Variants in DCDC1 observed in about 807,000 individuals in gnomAD.
The protein encoded by DCDC1 is doublecortin domain containing 1.
DCDC1 carries 200 observed loss-of-function variants against 178.3 expected under a neutral mutation model. The observed-to-expected ratio is 1.12, with a 90% CI of 1.00 to 1.26. The LOEUF is 1.26. Ranked by LOEUF, DCDC1 falls within the 50% of genes most tolerant of loss-of-function variation. The pLI is 0.00. For synonymous variants in DCDC1, 690 were observed against 604.8 expected, an observed-to-expected ratio of 1.14 and a Z score of -2.07; for missense variants, 1,983 against 1,749.2, an observed-to-expected ratio of 1.13 and a Z score of -2.38.
intron 7 of DCDC1, among the ~76,000 whole-genome samples, chr11:31,280,224 C>T (rs1377810176): frequency 1.3e-5 from 2 of 152,114 alleles, no homozygotes; most frequent in Non-Finnish European, 2.9e-5. Context: ...TATCTTCAAC[C>T]CTTGCCTTTA....
chr11:31,153,595 C>T (rs1965402743), intron 9 of DCDC1, among the ~76,000 whole-genome samples: 1 of 151,936 alleles, frequency 6.6e-6, no homozygotes, highest in African/African-American at 2.4e-5. Flanking sequence ...CCAGCCTGGC[C>T]AACATGGTGA....
intron 20 of DCDC1, among the ~76,000 whole-genome samples, chr11:30,975,473 A>C (rs1049852006): frequency 6.6e-6 from 1 of 152,022 alleles, no homozygotes; most frequent in African/African-American, 2.4e-5. Context: ...TATAAAAAAA[A>C]CACTAAAGAT....
At chr11:31,208,607 A>G (rs971149163) in intron 9 of DCDC1, among the ~76,000 whole-genome samples, 5 of 152,116 alleles carry the variant, frequency 3.3e-5, no homozygotes, top group Non-Finnish European at 5.9e-5. Context: ...ATACTTTCCA[A>G]GAGTAAAAAA....
chr11:30,917,040 C>T lies in DCDC1; in HGVS notation c.3294-12G>A. The T allele has an allele frequency of 6.3e-7, 1 of 1,578,234 alleles. No individual in the cohort carries two copies. On this transcript the variant is annotated splice_polypyrimidine_tract_variant and intron_variant, in intron 25 of 38. Transcript: ENST00000684477. ...TTACGTGTGAATCTCTATCAAGGTT[C>T]AGAAGCAAACATAAGTCTAAGAAAT...
chr11:30,896,723 A>G (rs1206029893), intron 34 of DCDC1, among the ~76,000 whole-genome samples: 3 of 152,208 alleles, frequency 2.0e-5, no homozygotes, highest in African/African-American at 7.2e-5. Flanking sequence ...TTGCCTTTTC[A>G]GGAATCCTTA....
At chr11:31,045,423 T>C (rs1954778455) in intron 20 of DCDC1, among the ~76,000 whole-genome samples, 1 of 151,806 alleles carries the variant, frequency 6.6e-6, no homozygotes, top group Non-Finnish European at 1.5e-5. Flanking sequence ...GCCTTAGACT[T>C]ACTTATTTTG....
At chr11:31,256,812 GC>G (rs1166304174) in intron 8 of DCDC1, among the ~76,000 whole-genome samples, 6 of 152,092 alleles carry the variant, frequency 3.9e-5, no homozygotes, top group African/African-American at 1.4e-4. Context: ...GCTTGATGGG[GC>G]AAAGCTACTA....
chr11:31,351,696 C>T (rs974857894), intron 1 of DCDC1, among the ~76,000 whole-genome samples: 3 of 152,114 alleles, frequency 2.0e-5, no homozygotes, highest in Non-Finnish European at 4.4e-5. Flanking sequence ...TTCTTTTCCT[C>T]CCAAGCATGA....
intron 1 of DCDC1, among the ~76,000 whole-genome samples, chr11:31,363,943 C>G (rs1247959250): frequency 6.6e-6 from 1 of 152,074 alleles, no homozygotes; most frequent in African/African-American, 2.4e-5. Context: ...AGAAGCCATA[C>G]TTTGAATTTT....
chr11:30,975,213 G>A lies in DCDC1; in HGVS notation c.2592-22645C>T, dbSNP rs1473654284. Among the ~76,000 whole-genome samples the A allele has an allele frequency of 3.3e-5, 5 of 152,086 alleles. No individual in the cohort carries two copies. The East Asian group carries it at 9.6e-4, about 29-fold the overall frequency. On this transcript the variant is annotated intron_variant, in intron 20 of 38. Coordinates refer to ENST00000684477, the MANE Select transcript of DCDC1 (RefSeq NM_001387274.1). ...ACTATCAACAAACTAGACACTGAGA[G>A]AACATACCTCAACATAATAAAGGCA...
rs369848469 is a variant in DCDC1, at chr11:31,116,210, A to G, written c.1486-5849T>C. On this transcript the variant is annotated intron_variant, in intron 11 of 38. Transcript: ENST00000684477. The stretch of plus-strand genomic sequence containing the variant: ...GGGAAATCTTTAGAAATCAAGTCCA[A>G]TGACATTTTTAACTATAGATATCAA... Among the ~76,000 whole-genome samples the G allele has an allele frequency of 2.1e-5, 3 of 143,418 alleles. No individual in the cohort carries two copies. The East Asian group carries it at 6.1e-4, about 29-fold the overall frequency. 94.1% of individuals were successfully genotyped at this position (143,418 alleles called of 152,430 possible).
chr11:30,984,000 TG>T (rs1950517203), intron 20 of DCDC1, among the ~76,000 whole-genome samples: 1 of 152,110 alleles, frequency 6.6e-6, no homozygotes, highest in South Asian at 2.1e-4. Context: ...TATACAATAG[TG>T]GAGGAATGCC....
At chr11:31,328,364 A>T in intron 2 of DCDC1, 78 bp from the exon 3 acceptor site, 4 of 1,378,432 alleles carry the variant, frequency 2.9e-6, no homozygotes, top group Non-Finnish European at 3.9e-6. Flanking sequence ...GGCATTAAAC[A>T]CAACTTACTT....
chr11:30,879,540 T>G (rs1942455295), intron 37 of DCDC1, among the ~76,000 whole-genome samples: 1 of 152,164 alleles, frequency 6.6e-6, no homozygotes, highest in Admixed American at 6.6e-5. Flanking sequence ...CCACTAATCC[T>G]TTCACCATGA....
chr11:31,113,567 G>C (rs1020523262), intron 11 of DCDC1, among the ~76,000 whole-genome samples: 3 of 151,328 alleles, frequency 2.0e-5, no homozygotes, highest in Admixed American at 6.6e-5. Context: ...GCAATAGTTT[G>C]CTCAGAATGA....
intron 8 of DCDC1, 28 bp downstream of exon 8, chr11:31,265,479 A>G (rs1945089683): frequency 8.0e-7 from 1 of 1,243,498 alleles, no homozygotes. Flanking sequence ...AATATTATCA[A>G]ATGGTTTACA....
chr11:31,009,147 A>T (rs1952022816), intron 20 of DCDC1, among the ~76,000 whole-genome samples: 1 of 152,216 alleles, frequency 6.6e-6, no homozygotes, highest in South Asian at 2.1e-4. Context: ...TCTTCAAAGA[A>T]AAAGGCTTTA....
chr11:31,077,854 A>C lies in DCDC1; in HGVS notation c.2298+11T>G. On this transcript the variant is annotated intron_variant, in intron 18 of 38. Coordinates refer to ENST00000684477, the MANE Select transcript of DCDC1 (RefSeq NM_001387274.1). ...CTTAGGCATAAAAGCTGTGGATTAT[A>C]AAGTCCTTACCTTTGAATAAATGCA... 1 of 765,798 alleles carries C rather than the reference A, an allele frequency of 1.3e-6. No homozygotes were observed. Among genetic ancestry groups the C allele is most frequent in the Non-Finnish European group, 2.4e-6 (1 of 417,588 alleles). The allele number at this position is 765,798 out of a possible 1,614,324, so 47.4% of individuals were successfully genotyped here.
chr11:30,918,738 G>A lies in DCDC1; in HGVS notation c.3294-1710C>T, dbSNP rs1946037287. ...CAGTGGTGTGACAGGTATGCAGTGA[G>A]TGAGGGGATGGTAGTTCTAGACAAG... On this transcript the variant is annotated intron_variant, in intron 25 of 38. Coordinates refer to ENST00000684477, the MANE Select transcript of DCDC1 (RefSeq NM_001387274.1). Among the ~76,000 whole-genome samples the A allele has an allele frequency of 1.3e-5, 2 of 152,188 alleles. 1 individual carries two copies. The highest frequency in any genetic ancestry group is 4.8e-5 in the African/African-American group (2 of 41,440).
Sources: allele counts gnomAD v4.1 joint callset (sites outside exome capture counted in the v4.1 genomes callset), GRCh38; gene constraint gnomAD v4.1.1; transcripts MANE v1.5; gene names NCBI Gene and HGNC (gene_info 2026-07-23, HGNC 2026-07-21).